XRCC5: variants seen among roughly 807,000 people sequenced by gnomAD.
XRCC5 encodes DNA repair protein Ku80.
Under a neutral mutation model 95.7 loss-of-function variants are expected in XRCC5, and 12 were observed. That is an observed-to-expected ratio of 0.13 (90% CI 0.08 to 0.20). XRCC5 has a LOEUF of 0.20. Ranked by LOEUF, XRCC5 falls within the 10% of genes least tolerant of loss-of-function variation. The probability of loss-of-function intolerance (pLI) is 1.00; values close to 1 mark genes in which losing one functional copy is unlikely to be tolerated. For missense variants in XRCC5, 595 were observed against 873.9 expected (o/e 0.68, Z 4.02); for synonymous variants, 281 against 290.3 (o/e 0.97, Z 0.33).
intron 16 of XRCC5, among the ~76,000 whole-genome samples, chr2:216,186,626 A>G (rs1689497100): frequency 6.6e-6 from 1 of 152,250 alleles, no homozygotes; most frequent in African/African-American, 2.4e-5. Context: ...CTGACTTAGT[A>G]TCCTAAGATG....
intron 19 of XRCC5, chr2:216,203,932 A>C (rs2106056339): frequency 6.0e-6 from 1 of 166,174 alleles, no homozygotes; most frequent in African/African-American, 2.4e-5. Context: ...TCCTTTCAAA[A>C]GAGCATACTA....
intron 10 of XRCC5, among the ~76,000 whole-genome samples, chr2:216,133,284 G>T (rs550349567): frequency 1.3e-5 from 2 of 152,190 alleles, no homozygotes; most frequent in East Asian, 3.8e-4. Flanking sequence ...ATCAAATCCT[G>T]TTGGGAATCA....
intron 16 of XRCC5, among the ~76,000 whole-genome samples, chr2:216,172,389 C>T (rs62178691): frequency 0.15 from 22,950 of 151,196 alleles, 2,181 homozygotes; most frequent in South Asian, 0.28. Flanking sequence ...TACACTCCAA[C>T]TTTGTTCTTT....
At chr2:216,129,247 T>C (rs560574642) in intron 8 of XRCC5, among the ~76,000 whole-genome samples, 6 of 152,206 alleles carry the variant, frequency 3.9e-5, no homozygotes, top group Non-Finnish European at 8.8e-5. Context: ...AGTTAAAAAC[T>C]GCTTGGGTTC....
intron 6 of XRCC5, among the ~76,000 whole-genome samples, chr2:216,125,715 C>T (rs116783728): frequency 1.1e-4 from 16 of 152,282 alleles, no homozygotes; most frequent in Non-Finnish European, 2.2e-4. Flanking sequence ...AGTAATTCAG[C>T]TCCTCTTCCC....
At chr2:216,169,118 C>T (rs1282376584) in intron 16 of XRCC5, among the ~76,000 whole-genome samples, 1 of 152,240 alleles carries the variant, frequency 6.6e-6, no homozygotes, top group Non-Finnish European at 1.5e-5. Flanking sequence ...AGCCCAGAGA[C>T]AGGCACTATG....
chr2:216,122,048 ATCTT>A lies in XRCC5; in HGVS notation c.492-9_492-6del. On this transcript the variant is annotated splice_polypyrimidine_tract_variant and intron_variant, in intron 5 of 20. Transcript: ENST00000392132. ...AGGATTAGAACACTAACTACTGTTG[ATCTT>A]TCTTAATAGCTTGCCTTTCTCACTT... 2 of 1,603,014 alleles carry A rather than the reference ATCTT, an allele frequency of 1.2e-6. No homozygotes were observed. Among genetic ancestry groups the A allele is most frequent in the Non-Finnish European group, 1.7e-6 (2 of 1,173,692 alleles).
At chr2:216,188,357 A>G (rs553919690) in intron 16 of XRCC5, among the ~76,000 whole-genome samples, 27 of 152,318 alleles carry the variant, frequency 1.8e-4, no homozygotes, top group Admixed American at 7.8e-4. Context: ...TATATTCCCT[A>G]TTCAACTGCA....
intron 14 of XRCC5, among the ~76,000 whole-genome samples, chr2:216,153,375 A>G (rs1237576384): frequency 6.6e-6 from 1 of 152,074 alleles, no homozygotes; most frequent in East Asian, 1.9e-4. Context: ...TTTTGTGTTG[A>G]TATTCTGTAG....
intron 16 of XRCC5, among the ~76,000 whole-genome samples, chr2:216,172,856 A>G (rs558293047): frequency 6.6e-6 from 1 of 152,294 alleles, no homozygotes; most frequent in East Asian, 1.9e-4. Flanking sequence ...TTGCCATTTT[A>G]ATAATACTGA....
intron 13 of XRCC5, among the ~76,000 whole-genome samples, chr2:216,145,408 T>C (rs1688610237): frequency 6.6e-6 from 1 of 152,228 alleles, no homozygotes; most frequent in Non-Finnish European, 1.5e-5. Flanking sequence ...ATTGATACAA[T>C]GGTGCTAAAA....
At chr2:216,162,378 C>T (rs1688968856) in intron 16 of XRCC5, among the ~76,000 whole-genome samples, 1 of 151,284 alleles carries the variant, frequency 6.6e-6, no homozygotes, top group Non-Finnish European at 1.5e-5. Context: ...TATGTCACAT[C>T]TTCCTATTTT....
intron 10 of XRCC5, among the ~76,000 whole-genome samples, chr2:216,136,286 G>A (rs1697072742): frequency 6.6e-6 from 1 of 151,682 alleles, no homozygotes; most frequent in African/African-American, 2.4e-5. Context: ...AACCTGGGAG[G>A]TGGAGGTTGC....
At chr2:216,172,151 A>C (rs2106033964) in intron 16 of XRCC5, among the ~76,000 whole-genome samples, 1 of 152,304 alleles carries the variant, frequency 6.6e-6, no homozygotes, top group South Asian at 2.1e-4. Context: ...GACGAGTTGT[A>C]AATTAGCTGC....
At chr2:216,177,834 T>G (rs77925110) in intron 16 of XRCC5, among the ~76,000 whole-genome samples, 1,709 of 152,312 alleles carry the variant, frequency 0.011, 30 homozygotes, top group African/African-American at 0.039. Context: ...TATCCCACAA[T>G]TTGCTCTGTG....
Position 216,113,045 on chromosome 2 carries a change from C to T in XRCC5, c.51C>T (p.Gly17=), listed in dbSNP as rs1447887277. The T allele has an allele frequency of 5.6e-6, 9 of 1,614,124 alleles. No individual in the cohort carries two copies. Among genetic ancestry groups the T allele is most frequent in the Non-Finnish European group, 7.6e-6 (9 of 1,179,988 alleles). The change falls in exon 2 of 21, where the codon GGC becomes GGT. Residue 17 remains glycine, a synonymous_variant. Coordinates refer to ENST00000392132, the MANE Select transcript of XRCC5 (RefSeq NM_021141.4). ...CTGTTGTGCTGTGTATGGACGTGGG[C>T]TTTACCATGAGTAACTCCATTCCTG... is the stretch of plus-strand genomic sequence containing the variant. The part of the protein sequence containing the change: ...KAAVVLCMDV[G]FTMSNSIPGI...
intron 14 of XRCC5, among the ~76,000 whole-genome samples, chr2:216,154,053 T>G (rs1490783730): frequency 6.6e-6 from 1 of 152,246 alleles, no homozygotes; most frequent in Non-Finnish European, 1.5e-5. Flanking sequence ...GTTTACCAAG[T>G]TGTATTATAT....
At chr2:216,110,050 T>C (rs1696559342) in intron 1 of XRCC5, among the ~76,000 whole-genome samples, 1 of 152,166 alleles carries the variant, frequency 6.6e-6, no homozygotes, top group African/African-American at 2.4e-5. Context: ...TCACAACCCC[T>C]TGAAGTGAAA....
At chr2:216,122,328 A>G (rs1696825362) in intron 6 of XRCC5, 75 bp downstream of exon 6, 2 of 1,403,020 alleles carry the variant, frequency 1.4e-6, no homozygotes, top group Non-Finnish European at 1.9e-6. Context: ...AGGTCTCCCA[A>G]ATGTTTCCTT....
Sources: allele counts gnomAD v4.1 joint callset (sites outside exome capture counted in the v4.1 genomes callset), GRCh38; gene constraint gnomAD v4.1.1; transcripts MANE v1.5; gene names NCBI Gene and HGNC (gene_info 2026-07-23, HGNC 2026-07-21).